Variants in IMMP1L observed in about 807,000 individuals in gnomAD.
The protein encoded by IMMP1L is mitochondrial inner membrane protease subunit 1.
In IMMP1L, 24 loss-of-function variants were observed where a neutral mutation model predicts 21.8. The ratio of observed to expected loss-of-function variants is 1.10; its 90% CI spans 0.80 to 1.55. The LOEUF (loss-of-function observed/expected upper bound fraction) is 1.55, where lower values mean the gene tolerates loss of function less well. IMMP1L is among the 40% of genes most tolerant of loss of function. IMMP1L has a pLI of 0.00. For synonymous variants in IMMP1L, 46 were observed against 62.8 expected (o/e 0.73, Z 1.26); for missense variants, 195 against 200.7 (o/e 0.97, Z 0.17).
chr11:31,436,375 G>A (rs1307914205), intron 4 of IMMP1L, among the ~76,000 whole-genome samples: 1 of 152,148 alleles, frequency 6.6e-6, no homozygotes, highest in Non-Finnish European at 1.5e-5. Flanking sequence ...CCATTAGCTA[G>A]GTCACTTTTG....
At chr11:31,438,352 A>T (rs1953195674) in intron 4 of IMMP1L, among the ~76,000 whole-genome samples, 1 of 152,200 alleles carries the variant, frequency 6.6e-6, no homozygotes. Flanking sequence ...TGAAGTATCC[A>T]TTAAAATATG....
At chr11:31,437,124 G>A (rs1187080436) in intron 4 of IMMP1L, 1 of 445,392 alleles carries the variant, frequency 2.2e-6, no homozygotes, top group Non-Finnish European at 4.5e-6. Context: ...ACCTCTATAA[G>A]TTGCAGGTTG....
At chr11:31,507,678 G>A (rs1955816698) in intron 1 of IMMP1L, among the ~76,000 whole-genome samples, 1 of 152,098 alleles carries the variant, frequency 6.6e-6, no homozygotes. Context: ...AGGGGGGATG[G>A]GGAGAATTTG....
intron 1 of IMMP1L, among the ~76,000 whole-genome samples, chr11:31,472,080 C>A (rs911010380): frequency 6.6e-6 from 1 of 152,112 alleles, no homozygotes; most frequent in Non-Finnish European, 1.5e-5. Context: ...CTCCTTTTTA[C>A]TCTTTTAAGG....
At chr11:31,495,271 T>G (rs1483843474) in intron 1 of IMMP1L, among the ~76,000 whole-genome samples, 2 of 152,194 alleles carry the variant, frequency 1.3e-5, no homozygotes, top group Admixed American at 6.5e-5. Context: ...GCCTTCCAAG[T>G]CTCTAGGAAG....
intron 1 of IMMP1L, among the ~76,000 whole-genome samples, chr11:31,471,022 T>A (rs184381931): frequency 6.6e-6 from 1 of 152,174 alleles, no homozygotes; most frequent in South Asian, 2.1e-4. Flanking sequence ...TACAGCTATA[T>A]AGGAGAAATA....
chr11:31,475,865 C>A (rs1027755401), intron 1 of IMMP1L, among the ~76,000 whole-genome samples: 5 of 152,028 alleles, frequency 3.3e-5, no homozygotes, highest in African/African-American at 1.2e-4. Flanking sequence ...ATAAGAGTGA[C>A]CCCTAGAACG....
chr11:31,507,532 G>A (rs891314989), intron 1 of IMMP1L, among the ~76,000 whole-genome samples: 3 of 152,100 alleles, frequency 2.0e-5, no homozygotes, highest in South Asian at 4.1e-4. Flanking sequence ...CTATAAAAAC[G>A]AATTATACCA....
At chr11:31,478,107 T>C (rs1954781985) in intron 1 of IMMP1L, among the ~76,000 whole-genome samples, 1 of 152,168 alleles carries the variant, frequency 6.6e-6, no homozygotes, top group South Asian at 2.1e-4. Flanking sequence ...TCATTCTAGG[T>C]GAAGATTAGA....
chr11:31,465,930 G>T (rs766480602), intron 1 of IMMP1L, among the ~76,000 whole-genome samples: 1 of 151,748 alleles, frequency 6.6e-6, no homozygotes, highest in East Asian at 1.9e-4. Flanking sequence ...ATAGACAAAC[G>T]GATTTAAACT....
chr11:31,438,304 A>C (rs577478329), intron 4 of IMMP1L, among the ~76,000 whole-genome samples: 2 of 152,284 alleles, frequency 1.3e-5, no homozygotes, highest in African/African-American at 4.8e-5. Context: ...TCTCTGATGA[A>C]AGCATTTTTC....
At position 31,463,263 on chromosome 11, in the gene IMMP1L, A is replaced by G; in HGVS notation, c.14T>C (p.Val5Ala). 1 of 1,612,364 alleles carries G rather than the reference A, an allele frequency of 6.2e-7. No individual in the cohort carries two copies. The highest frequency in any genetic ancestry group is 1.3e-5 in the African/African-American group (1 of 74,956). The change falls in exon 2 of 6, where the codon GTT becomes GCT. Residue 5 changes from valine (V) to alanine (A), a missense_variant. Coordinates refer to ENST00000532287, the MANE Select transcript of IMMP1L (RefSeq NM_001304274.2). ...AACAAGTCGAAAGGTTTTCCCCAGAACACCACGAAGCATAGTTCTATGTAG... is the reference window on the plus strand; with the variant it reads ...AACAAGTCGAAAGGTTTTCCCCAGAGCACCACGAAGCATAGTTCTATGTAG... MLRGVLGKTFRLVGY... is the reference protein window; with the variant it reads MLRGALGKTFRLVGY...
chr11:31,446,105 C>A lies in IMMP1L; in HGVS notation c.321+10155G>T, dbSNP rs138249606. ...TTCTTTCCATTTCCCAAATTAACAT[C>A]TCCCCCAACAACCCTATTTTATTGT... On this transcript the variant is annotated intron_variant, in intron 4 of 5. Transcript: ENST00000532287. Among the ~76,000 whole-genome samples the A allele has an allele frequency of 1.4e-3, 211 of 152,294 alleles. 1 individual carries two copies. Among genetic ancestry groups the A allele is most frequent in the Admixed American group, 4.0e-3 (61 of 15,296 alleles).
intron 1 of IMMP1L, among the ~76,000 whole-genome samples, chr11:31,473,283 T>C (rs1954628250): frequency 6.6e-6 from 1 of 151,944 alleles, no homozygotes; most frequent in Non-Finnish European, 1.5e-5. Context: ...TCTCCTGACC[T>C]TGTGATCCGC....
chr11:31,489,316 T>C (rs1164123636), intron 1 of IMMP1L, among the ~76,000 whole-genome samples: 3 of 152,238 alleles, frequency 2.0e-5, no homozygotes, highest in Non-Finnish European at 4.4e-5. Flanking sequence ...GCATATTCAC[T>C]TTTAAATATG....
At chr11:31,494,664 A>T (rs1955374674) in intron 1 of IMMP1L, among the ~76,000 whole-genome samples, 1 of 151,736 alleles carries the variant, frequency 6.6e-6, no homozygotes, top group Admixed American at 6.6e-5. Flanking sequence ...TTTTTTGAAA[A>T]GTAGTCTCAC....
rs1953934803 is a variant in IMMP1L, at chr11:31,456,313, C to G, written c.268G>C (p.Gly90Arg). The G allele has an allele frequency of 1.2e-6, 2 of 1,608,616 alleles. No individual in the cohort carries two copies. Among genetic ancestry groups the G allele is most frequent in the Non-Finnish European group, 1.7e-6 (2 of 1,175,762 alleles). Reference sequence around the variant, plus strand: ...GGACTAGTGGTGAGGATTTTGTCTCCTTCCAAACCAATTACTCTTTTACAA... The same window carrying G: ...GGACTAGTGGTGAGGATTTTGTCTCGTTCCAAACCAATTACTCTTTTACAA... Reference protein sequence around the residue: ...NICKRVIGLEGDKILTTSPSD... With the variant: ...NICKRVIGLERDKILTTSPSD... The change falls in exon 4 of 6, where the codon GGA (glycine) becomes CGA (arginine). Residue 90 changes from glycine to arginine, a missense_variant. By Grantham distance (125) the Gly-to-Arg change is moderately radical (BLOSUM62 -2). Coordinates refer to ENST00000532287, the MANE Select transcript of IMMP1L (RefSeq NM_001304274.2).
At chr11:31,508,644 G>T (rs555005268) in intron 1 of IMMP1L, among the ~76,000 whole-genome samples, 2 of 152,212 alleles carry the variant, frequency 1.3e-5, no homozygotes, top group South Asian at 4.2e-4. Context: ...CAATTCGATG[G>T]CAAGAATTTC....
intron 4 of IMMP1L, among the ~76,000 whole-genome samples, chr11:31,443,111 G>A (rs965193456): frequency 2.0e-5 from 3 of 151,934 alleles, no homozygotes; most frequent in Admixed American, 2.0e-4. Flanking sequence ...CTACTATGTG[G>A]CCACTGTATA....
Sources: allele counts gnomAD v4.1 joint callset (sites outside exome capture counted in the v4.1 genomes callset), GRCh38; gene constraint gnomAD v4.1.1; transcripts MANE v1.5; gene names NCBI Gene and HGNC (gene_info 2026-07-23, HGNC 2026-07-21).